NELL1: variants seen among roughly 807,000 people sequenced by gnomAD.
NELL1 encodes neural EGFL like 1, also known as protein kinase C-binding protein NELL1.
NELL1 carries 76 observed loss-of-function variants against 107.4 expected under a neutral mutation model. That is an observed-to-expected ratio of 0.71 (90% CI 0.59 to 0.86). NELL1 has a LOEUF of 0.86. Among genes scored for constraint, NELL1 ranks in the 40% least tolerant of loss-of-function variants. The probability of loss-of-function intolerance (pLI) is 0.00; values close to 1 mark genes in which losing one functional copy is unlikely to be tolerated. For synonymous variants in NELL1, 353 were observed against 341.2 expected (o/e 1.03, Z -0.38); for missense variants, 1,024 against 1,005.5 (o/e 1.02, Z -0.25).
At chr11:20,990,724 C>T (rs933172088) in intron 12 of NELL1, among the ~76,000 whole-genome samples, 2 of 152,108 alleles carry the variant, frequency 1.3e-5, no homozygotes, top group East Asian at 1.9e-4. Flanking sequence ...TATGCATAGG[C>T]GAGGGGATGG....
At chr11:21,092,300 C>G (rs1854540191) in intron 12 of NELL1, among the ~76,000 whole-genome samples, 1 of 151,938 alleles carries the variant, frequency 6.6e-6, no homozygotes, top group South Asian at 2.1e-4. Context: ...GGTCAGCACC[C>G]TGTAGCTGGC....
At chr11:21,492,977 G>T (rs1854869929) in intron 15 of NELL1, among the ~76,000 whole-genome samples, 1 of 151,896 alleles carries the variant, frequency 6.6e-6, no homozygotes, top group South Asian at 2.1e-4. Context: ...AGAGATGTAT[G>T]AAAAAATGCT....
intron 13 of NELL1, among the ~76,000 whole-genome samples, chr11:21,159,933 G>A (rs1199647181): frequency 1.3e-5 from 2 of 152,166 alleles, no homozygotes; most frequent in Non-Finnish European, 2.9e-5. Flanking sequence ...CCAACTCTCA[G>A]GACCAGATGT....
chr11:21,439,129 C>G (rs1853211965), intron 15 of NELL1, among the ~76,000 whole-genome samples: 1 of 151,574 alleles, frequency 6.6e-6, no homozygotes, highest in African/African-American at 2.4e-5. Context: ...AATCCACAAG[C>G]AGAATACTAG....
At chr11:20,992,631 A>G (rs1007907113) in intron 12 of NELL1, among the ~76,000 whole-genome samples, 1 of 151,834 alleles carries the variant, frequency 6.6e-6, no homozygotes, top group Non-Finnish European at 1.5e-5. Context: ...CCTGGAGCAT[A>G]AACTTTGTCT....
intron 15 of NELL1, among the ~76,000 whole-genome samples, chr11:21,380,607 T>C (rs138427663): frequency 3.5e-4 from 53 of 152,160 alleles, no homozygotes; most frequent in Middle Eastern, 3.4e-3. Flanking sequence ...TTCCCTTGGA[T>C]GAAAAATGGG....
chr11:21,204,227 CTG>C (rs1857338143), intron 13 of NELL1, among the ~76,000 whole-genome samples: 1 of 152,160 alleles, frequency 6.6e-6, no homozygotes, highest in Non-Finnish European at 1.5e-5. Flanking sequence ...TTCCATTCCC[CTG>C]TCACTTTCAG....
intron 14 of NELL1, among the ~76,000 whole-genome samples, chr11:21,295,818 C>T (rs1199800837): frequency 6.6e-6 from 1 of 151,692 alleles, no homozygotes; most frequent in Non-Finnish European, 1.5e-5. Flanking sequence ...CCAGGAAATG[C>T]AAGGAAAAGA....
intron 12 of NELL1, among the ~76,000 whole-genome samples, chr11:20,982,565 A>G (rs1164173814): frequency 6.6e-6 from 1 of 152,208 alleles, no homozygotes; most frequent in Non-Finnish European, 1.5e-5. Flanking sequence ...ATGAGATGCC[A>G]CAGTGCTTGT....
At chr11:20,772,559 T>G (rs1169182616) in intron 2 of NELL1, among the ~76,000 whole-genome samples, 2 of 152,216 alleles carry the variant, frequency 1.3e-5, no homozygotes. Context: ...TGGGCATTTT[T>G]TTAAAGCATC....
At chr11:21,025,583 C>T (rs1408803291) in intron 12 of NELL1, among the ~76,000 whole-genome samples, 1 of 151,992 alleles carries the variant, frequency 6.6e-6, no homozygotes. Context: ...GGTTTCTCCT[C>T]ACTTGCCTGA....
rs148634025 is a variant in NELL1 at position 21,189,732 on chromosome 11, T to C, written c.1427-39600T>C. Among the ~76,000 whole-genome samples the C allele has an allele frequency of 3.3e-4, 50 of 151,548 alleles. No individual in the cohort carries two copies. In the East Asian group the frequency reaches 6.8e-3, roughly 20 times the overall value. On this transcript the variant is annotated intron_variant, in intron 13 of 19. Transcript: ENST00000357134. Reference sequence around the variant, plus strand: ...ACTCTGGTACTATAAGAATTAAATATTACTTGGGATACAGAAATATTTTAG... The same window carrying C: ...ACTCTGGTACTATAAGAATTAAATACTACTTGGGATACAGAAATATTTTAG...
At chr11:21,456,836 A>G (rs1474554586) in intron 15 of NELL1, among the ~76,000 whole-genome samples, 1 of 152,214 alleles carries the variant, frequency 6.6e-6, no homozygotes, top group Non-Finnish European at 1.5e-5. Flanking sequence ...AGAGATGAAC[A>G]ACTATTTTCC....
At chr11:20,738,779 C>T (rs375732623) in intron 2 of NELL1, among the ~76,000 whole-genome samples, 4 of 152,124 alleles carry the variant, frequency 2.6e-5, no homozygotes, top group South Asian at 4.1e-4. Flanking sequence ...TGCTAGAGGA[C>T]GAGAAGCCAG....
At chr11:21,050,764 G>A (rs889474342) in intron 12 of NELL1, among the ~76,000 whole-genome samples, 1 of 152,128 alleles carries the variant, frequency 6.6e-6, no homozygotes, top group African/African-American at 2.4e-5. Context: ...ATAGTAAGGA[G>A]GTTAGACTCT....
chr11:20,964,049 A>G (rs774170666), intron 12 of NELL1, among the ~76,000 whole-genome samples: 36 of 152,196 alleles, frequency 2.4e-4, no homozygotes, highest in Admixed American at 3.3e-4. Flanking sequence ...TTTGTCAGCT[A>G]TGATACAATT....
intron 14 of NELL1, among the ~76,000 whole-genome samples, chr11:21,302,707 T>C (rs1383532810): frequency 6.6e-6 from 1 of 151,888 alleles, no homozygotes; most frequent in African/African-American, 2.4e-5. Flanking sequence ...TAGACATTTG[T>C]TGGTTTTTTT....
intron 15 of NELL1, among the ~76,000 whole-genome samples, chr11:21,526,278 A>T (rs920576118): frequency 2.2e-4 from 34 of 152,366 alleles, no homozygotes; most frequent in Non-Finnish European, 5.0e-4. Context: ...CATCCAGGTC[A>T]CACTGATGGA....
intron 2 of NELL1, among the ~76,000 whole-genome samples, chr11:20,755,862 G>C (rs1186751858): frequency 8.0e-6 from 1 of 125,650 alleles, no homozygotes; most frequent in South Asian, 2.5e-4. Flanking sequence ...AGCCAGACCT[G>C]CGGTTTTTTT....
Sources: gnomAD v4.1 joint callset for allele counts (sites outside exome capture counted in the v4.1 genomes callset) on GRCh38, gnomAD v4.1.1 for gene constraint, MANE v1.5 for transcripts, NCBI Gene and HGNC (gene_info 2026-07-23, HGNC 2026-07-21) for gene names.